The following ZNF618 variants were observed in gnomAD, a reference collection of about 807,000 sequenced individuals.
ZNF618 encodes neural precursor cell expressed, developmentally down-regulated 10.
Under a neutral mutation model 103.0 loss-of-function variants are expected in ZNF618, and 34 were observed. The observed-to-expected ratio is 0.33, with a 90% CI of 0.25 to 0.44. The LOEUF (loss-of-function observed/expected upper bound fraction) is 0.44. Ranked by LOEUF, ZNF618 falls within the 20% of genes least tolerant of loss-of-function variation. The pLI is 1.00. For missense variants in ZNF618, 1,059 were observed against 1,295.4 expected, an observed-to-expected ratio of 0.82 and a Z score of 2.80; for synonymous variants, 551 against 542.2, an observed-to-expected ratio of 1.02 and a Z score of -0.23.
rs971501044 is a variant in ZNF618, at chr9:113,876,421, G to C, written c.33+8G>C. 1 of 1,201,042 alleles carries C rather than the reference G, an allele frequency of 8.3e-7. No individual in the cohort carries two copies. Among genetic ancestry groups the C allele is most frequent in the Non-Finnish European group, 1.0e-6 (1 of 968,096 alleles). The allele number at this position is 1,201,042 out of a possible 1,614,324, so 74.4% of individuals were successfully genotyped here. On this transcript the variant is annotated splice_region_variant and intron_variant, in intron 1 of 14. Coordinates refer to ENST00000374126, the MANE Select transcript of ZNF618 (RefSeq NM_001318042.2). Reference sequence around the variant, plus strand: ...GGCGCGGCGGCTCCGCAGGTACGACGGGGGGCCGGGGGCATGCACCGCGCG... The same window carrying C: ...GGCGCGGCGGCTCCGCAGGTACGACCGGGGGCCGGGGGCATGCACCGCGCG...
intron 1 of ZNF618, among the ~76,000 whole-genome samples, chr9:113,951,440 T>TATATGTGTATATATGTAC (rs1554732871): frequency 3.4e-5 from 1 of 29,482 alleles, no homozygotes; most frequent in African/African-American, 9.0e-5. Flanking sequence ...TGTATATATA[T>TATATGTGTATATATGTAC]ACATATATGT....
At chr9:113,947,630 TA>T (rs1196857642) in intron 1 of ZNF618, among the ~76,000 whole-genome samples, 1 of 152,190 alleles carries the variant, frequency 6.6e-6, no homozygotes, top group African/African-American at 2.4e-5. Context: ...TCCTGCGTTT[TA>T]CAAGCTCAGA....
chr9:113,955,508 GA>G (rs1410526546), intron 1 of ZNF618, among the ~76,000 whole-genome samples: 1 of 151,704 alleles, frequency 6.6e-6, no homozygotes, highest in Non-Finnish European at 1.5e-5. Context: ...TTTTGATTTT[GA>G]AAAAAATTCA....
intron 1 of ZNF618, among the ~76,000 whole-genome samples, chr9:113,923,542 C>G (rs992773963): frequency 1.3e-5 from 2 of 152,076 alleles, no homozygotes; most frequent in Non-Finnish European, 2.9e-5. Flanking sequence ...ATGATATGAT[C>G]CTGTGACTAT....
intron 2 of ZNF618, among the ~76,000 whole-genome samples, chr9:113,974,167 G>A (rs1023100997): frequency 6.6e-6 from 1 of 152,242 alleles, no homozygotes; most frequent in Non-Finnish European, 1.5e-5. Flanking sequence ...AGTGTTGGGG[G>A]TGGGGAAAGC....
intron 11 of ZNF618, among the ~76,000 whole-genome samples, chr9:114,031,040 G>A (rs1843981523): frequency 6.6e-6 from 1 of 152,132 alleles, no homozygotes; most frequent in African/African-American, 2.4e-5. Context: ...TGATTCTGCC[G>A]TCTTGGAGGG....
chr9:113,910,764 G>A (rs1232315065), intron 1 of ZNF618, among the ~76,000 whole-genome samples: 1 of 151,990 alleles, frequency 6.6e-6, no homozygotes, highest in Non-Finnish European at 1.5e-5. Context: ...CTGACAAGAG[G>A]CTCAGAGCCC....
intron 1 of ZNF618, among the ~76,000 whole-genome samples, chr9:113,951,403 G>GTGTGTGTATATA (rs1835563608): frequency 2.9e-4 from 12 of 41,896 alleles, no homozygotes; most frequent in African/African-American, 1.1e-3. Flanking sequence ...ATATATATAC[G>GTGTGTGTATATA]TATATATACA....
Position 113,902,399 on chromosome 9 carries a change from G to T in ZNF618, c.33+25986G>T, listed in dbSNP as rs1036476770. ...ACAAGTTAATTTTGCTCAGTTTAGG[G>T]TGTGTGGCTATCTTTGCTTGTGTAG... On this transcript the variant is annotated intron_variant, in intron 1 of 14. Coordinates refer to ENST00000374126, the MANE Select transcript of ZNF618 (RefSeq NM_001318042.2). 8.8e-4 allele frequency among the ~76,000 whole-genome samples: 134 copies of T among 152,070 alleles called. 1 individual carries two copies. The highest frequency in any genetic ancestry group is 3.1e-3 in the African/African-American group (129 of 41,410).
rs561417757 is a variant in ZNF618 at position 113,911,811 on chromosome 9, G to T, written c.33+35398G>T. Among the ~76,000 whole-genome samples, 11 of 152,288 alleles carry T rather than the reference G, an allele frequency of 7.2e-5. No individual in the cohort carries two copies. The East Asian group carries it at 2.1e-3, about 29-fold the overall frequency. On this transcript the variant is annotated intron_variant, in intron 1 of 14. Transcript: ENST00000374126. ...AGCCCAACAGTGGCCTGTTTTGGGG[G>T]ATGTTTTGCTATTTACAGGTTTTCC... is the stretch of plus-strand genomic sequence containing the variant.
At position 113,953,133 on chromosome 9, in the gene ZNF618, TAGAA is replaced by T. The variant is rs575882640; in HGVS notation, c.34-15980_34-15977del. On this transcript the variant is annotated intron_variant, in intron 1 of 14. Transcript: ENST00000374126. ...AAGATGACTTTCCCCAAGAGCCTCT[TAGAA>T]AGAGAAAATCTCAGTACGTGAACGT... Among the ~76,000 whole-genome samples, 675 of 152,332 alleles carry T rather than the reference TAGAA, an allele frequency of 4.4e-3. 5 individuals carry two copies. The highest frequency in any genetic ancestry group is 6.8e-3 in the Middle Eastern group (2 of 294).
intron 1 of ZNF618, among the ~76,000 whole-genome samples, chr9:113,946,240 G>A (rs1002791504): frequency 6.6e-6 from 1 of 152,184 alleles, no homozygotes; most frequent in Non-Finnish European, 1.5e-5. Context: ...TAAAGCTTTC[G>A]GGGCTTCAAG....
chr9:113,885,172 T>C (rs1313253655), intron 1 of ZNF618, among the ~76,000 whole-genome samples: 1 of 152,054 alleles, frequency 6.6e-6, no homozygotes, highest in African/African-American at 2.4e-5. Flanking sequence ...GACGTGGCAG[T>C]GGGGCAAGGC....
intron 1 of ZNF618, among the ~76,000 whole-genome samples, chr9:113,926,059 T>G (rs1291800381): frequency 6.6e-6 from 1 of 152,168 alleles, no homozygotes; most frequent in Admixed American, 6.5e-5. Flanking sequence ...AGGCAGATCT[T>G]CTGGCAACAA....
intron 12 of ZNF618, among the ~76,000 whole-genome samples, chr9:114,034,966 G>T (rs1465963927): frequency 6.6e-6 from 1 of 152,144 alleles, no homozygotes; most frequent in South Asian, 2.1e-4. Context: ...GTCTTGCCCT[G>T]CCTGGTGGCC....
chr9:113,915,591 T>G (rs1458509864), intron 1 of ZNF618, among the ~76,000 whole-genome samples: 1 of 152,200 alleles, frequency 6.6e-6, no homozygotes, highest in Admixed American at 6.5e-5. Context: ...AGGCTTTGTA[T>G]GCAAATGGCA....
At chr9:113,975,008 AT>A (rs1838349809) in intron 2 of ZNF618, among the ~76,000 whole-genome samples, 1 of 152,170 alleles carries the variant, frequency 6.6e-6, no homozygotes, top group Non-Finnish European at 1.5e-5. Context: ...CCTTAGCACA[AT>A]TCCTAGTTCA....
chr9:113,960,969 A>G (rs1836785490), intron 1 of ZNF618, among the ~76,000 whole-genome samples: 1 of 152,222 alleles, frequency 6.6e-6, no homozygotes, highest in South Asian at 2.1e-4. Context: ...AGAAGGCTAC[A>G]ACCCAGCGAA....
At chr9:113,952,619 G>A in intron 1 of ZNF618, among the ~76,000 whole-genome samples, 1 of 152,246 alleles carries the variant, frequency 6.6e-6, no homozygotes, top group East Asian at 1.9e-4. Context: ...TCCAGGCCCT[G>A]CTGCTAACTA....
Sources: allele counts gnomAD v4.1 joint callset (sites outside exome capture counted in the v4.1 genomes callset), GRCh38; gene constraint gnomAD v4.1.1; transcripts MANE v1.5; gene names NCBI Gene and HGNC (gene_info 2026-07-23, HGNC 2026-07-21).